The following ASB12 variants were observed in gnomAD, a reference collection of about 807,000 sequenced individuals.
ASB12 encodes the protein ankyrin repeat and SOCS box containing 12, also known as ankyrin repeat and SOCS box protein 12.
Under a neutral mutation model 13.7 loss-of-function variants are expected in ASB12, and 17 were observed. That is an observed-to-expected ratio of 1.24 (90% CI 0.85 to 1.86). ASB12 has a LOEUF of 1.86. Among genes scored for constraint, ASB12 ranks in the 40% most tolerant of loss-of-function variants. ASB12 has a pLI of 0.00. For synonymous variants in ASB12, 107 were observed against 99.8 expected, an observed-to-expected ratio of 1.07 and a Z score of -0.43; for missense variants, 329 against 250.5, an observed-to-expected ratio of 1.31 and a Z score of -2.11.
At position 64,224,468 on chromosome X, in the gene ASB12, G is replaced by T. The variant is rs1930888779; in HGVS notation, c.824C>A (p.Ala275Asp). The change falls in exon 3 of 3, where the codon GCC (alanine) becomes GAC (aspartate). Residue 275 changes from alanine (A) to aspartate (D), a missense_variant and splice_region_variant. Physicochemically the swap from Ala to Asp is moderately radical, Grantham distance 126 (BLOSUM62 -2). Transcript: ENST00000362002. ...CTGTGATAGAAGTGACCGTGGAGTG[G>T]CTACAGCAAGAAGAAACAGGTCATG... Reference protein sequence around the residue: ...KGIALLLQARATPRSLLSQVR... With the variant: ...KGIALLLQARDTPRSLLSQVR... 1 of 1,205,785 alleles carries T rather than the reference G, an allele frequency of 8.3e-7. No homozygotes were observed. Among genetic ancestry groups the T allele is most frequent in the Non-Finnish European group, 1.1e-6 (1 of 892,654 alleles).
intron 1 of ASB12, among the ~76,000 whole-genome samples, chrX:64,227,006 T>C (rs1043952724): frequency 2.7e-5 from 3 of 110,978 alleles, no homozygotes; most frequent in Non-Finnish European, 5.7e-5. Context: ...TATTTATTCA[T>C]TCTTGGGGTG....
At chrX:64,228,998 T>C (rs766324765) in intron 1 of ASB12, among the ~76,000 whole-genome samples, 1 of 111,028 alleles carries the variant, frequency 9.0e-6, no homozygotes, top group Non-Finnish European at 1.9e-5. Context: ...GAGTCAGAAA[T>C]AGAATCCAGG....
Position 64,225,179 on chromosome X carries a change from G to A in ASB12, c.472C>T (p.Leu158Phe), listed in dbSNP as rs1382397904. 8.3e-7 allele frequency: 1 copy of A among 1,209,744 alleles called. No individual in the cohort carries two copies. The highest frequency in any genetic ancestry group is 1.8e-5 in the South Asian group (1 of 56,684). The stretch of plus-strand genomic sequence containing the variant: ...TTGGCCTCTGCACCATGGTCTAGGA[G>A]CTCCTGCAGGATAGCAACAGCACCA... ...RDGAVAILQELLDHGAEANVK... is the reference protein window; with the variant it reads ...RDGAVAILQEFLDHGAEANVK... Residue 158 changes from leucine to phenylalanine, a missense_variant, in exon 2 of 3, where the codon CTC becomes TTC. Leu to Phe is a conservative substitution (Grantham distance 22). Transcript: ENST00000362002.
chrX:64,226,745 G>C (rs1283261470), intron 1 of ASB12: 1 of 752,221 alleles, frequency 1.3e-6, no homozygotes, highest in East Asian at 1.5e-4. Flanking sequence ...GCCCACCTCA[G>C]TTTGTAATGT....
At chrX:64,228,260 C>T (rs1183590894) in intron 1 of ASB12, among the ~76,000 whole-genome samples, 1 of 112,319 alleles carries the variant, frequency 8.9e-6, no homozygotes, top group Non-Finnish European at 1.9e-5. Flanking sequence ...AGTGATGGCT[C>T]TCCATATACA....
At chrX:64,226,284 C>T (rs1011463590) in intron 1 of ASB12, among the ~76,000 whole-genome samples, 8 of 112,488 alleles carry the variant, frequency 7.1e-5, no homozygotes, top group Non-Finnish European at 1.3e-4. Flanking sequence ...CTCTTCACAG[C>T]CCCTCATATA....
chrX:64,224,617 T>C, intron 2 of ASB12, 149 bp from the exon 3 acceptor site: 3 of 827,603 alleles, frequency 3.6e-6, no homozygotes, highest in Non-Finnish European at 5.0e-6. Context: ...GAACCAGAAA[T>C]TGGGCTAATG....
At chrX:64,224,799 C>T in intron 2 of ASB12, 29 bp downstream of exon 2, 1 of 1,156,269 alleles carries the variant, frequency 8.6e-7, no homozygotes, top group East Asian at 3.0e-5. Context: ...AGCCAGGTGG[C>T]CTATGAGGCT....
At position 64,224,908 on chromosome X, in the gene ASB12, G is replaced by T; in HGVS notation, c.743C>A (p.Ala248Asp). The T allele has an allele frequency of 8.3e-7, 1 of 1,210,181 alleles. No homozygotes were observed. The highest frequency in any genetic ancestry group is 1.1e-6 in the Non-Finnish European group (1 of 894,643). The change falls in exon 2 of 3, where the codon GCT becomes GAT. Residue 248 changes from alanine (A) to aspartate (D), a missense_variant. Transcript: ENST00000362002. The part of the protein sequence containing the change: ...EYIQLLIDFG[A>D]NIYLPSLSLD... ...GGAGAGAGATGGAAGGTAGATATTA[G>T]CACCAAAATCGATTAACAGCTGGAT...
At chrX:64,227,842 T>C (rs140344771) in intron 1 of ASB12, among the ~76,000 whole-genome samples, 377 of 111,566 alleles carry the variant, frequency 3.4e-3, no homozygotes, top group Non-Finnish European at 5.2e-3. Flanking sequence ...CTGTCAATGC[T>C]CTTGCCTCTT....
Position 64,224,334 on chromosome X carries a change from A to G in ASB12, c.*1T>C. The stretch of plus-strand genomic sequence containing the variant: ...CATAAGTTCCTGGGGAGACTGCAAG[A>G]TTACAGTTGGTGTTTTAGGTAGCTA... On this transcript the variant is annotated 3_prime_UTR_variant, in exon 3 of 3. Coordinates refer to ENST00000362002, the MANE Select transcript of ASB12 (RefSeq NM_130388.4). The G allele has an allele frequency of 8.3e-7, 1 of 1,210,649 alleles. No homozygotes were observed.
chrX:64,224,778 T>C (rs368084201), intron 2 of ASB12, 50 bp downstream of exon 2: 6 of 1,140,611 alleles, frequency 5.3e-6, no homozygotes, highest in Non-Finnish European at 7.0e-6. Flanking sequence ...TTTAGAGCCC[T>C]GGGACCTCCA....
intron 1 of ASB12, chrX:64,226,800 C>A: frequency 1.4e-6 from 1 of 717,400 alleles, no homozygotes; most frequent in Non-Finnish European, 1.7e-6. Flanking sequence ...AGTTCCCCTA[C>A]TCTCCCATAC....
At position 64,224,280 on chromosome X, in the gene ASB12, G is replaced by T. The variant is rs1398703266; in HGVS notation, c.*55C>A. On this transcript the variant is annotated 3_prime_UTR_variant, in exon 3 of 3. Coordinates refer to ENST00000362002, the MANE Select transcript of ASB12 (RefSeq NM_130388.4). ...TGAGGCTGTAATGCTCTCCAGCTAC[G>T]TGAGTCCCCAGGTGGTTTTCGGAGG... 2.6e-6 allele frequency: 3 copies of T among 1,172,425 alleles called. No homozygotes were observed. The highest frequency in any genetic ancestry group is 3.6e-5 in the South Asian group (2 of 54,874).
rs533931885 is a variant in ASB12 at position 64,225,467 on chromosome X, G to A, written c.184C>T (p.Arg62Cys). ...CAGCCACTCCTGCTGTTGATGAAAC[G>A]TTTGTAACGCTCCTGGCGCAAAAGC... ...DQLLRQERYK[R>C]FINSRSGWGV... Residue 62 changes from arginine (R) to cysteine (C), a missense_variant, in exon 2 of 3, where the codon CGT becomes TGT. Transcript: ENST00000362002. 1.3e-4 allele frequency: 159 copies of A among 1,209,566 alleles called. No homozygotes were observed. Among genetic ancestry groups the A allele is most frequent in the South Asian group, 3.5e-4 (20 of 56,519 alleles).
intron 1 of ASB12, among the ~76,000 whole-genome samples, chrX:64,228,409 C>A (rs1193304309): frequency 8.9e-6 from 1 of 112,140 alleles, no homozygotes. Context: ...GATAAAGAGG[C>A]CTTATGTGGT....
At position 64,225,616 on chromosome X, in the gene ASB12, A is replaced by T; in HGVS notation, c.35T>A (p.Leu12His). 4 of 1,198,115 alleles carry T rather than the reference A, an allele frequency of 3.3e-6. No homozygotes were observed. Among genetic ancestry groups the T allele is most frequent in the Non-Finnish European group, 4.5e-6 (4 of 887,604 alleles). Residue 12 changes from leucine to histidine, a missense_variant, in exon 2 of 3, where the codon CTC becomes CAC. Physicochemically the swap from Leu to His is moderately conservative, Grantham distance 99. Transcript: ENST00000362002. ...RIVLQLAKMN[L>H]MDITKIFSLL... is the part of the protein sequence containing the mutation. ...GGAGAAGATCTTGGTGATGTCCATG[A>T]GGTTCATCTTGGCTAATTGGAGAAC...
At chrX:64,227,635 C>T (rs780727944) in intron 1 of ASB12, among the ~76,000 whole-genome samples, 3 of 111,510 alleles carry the variant, frequency 2.7e-5, no homozygotes, top group Non-Finnish European at 5.6e-5. Context: ...TCGCTCTCAC[C>T]TTTATTCTGA....
chrX:64,228,181 C>T (rs897834368), intron 1 of ASB12, among the ~76,000 whole-genome samples: 2 of 112,116 alleles, frequency 1.8e-5, no homozygotes, highest in African/African-American at 6.5e-5. Context: ...AAATCTTGGC[C>T]AATCTCTCCA....
Sources: gnomAD v4.1 joint callset for allele counts (sites outside exome capture counted in the v4.1 genomes callset) on GRCh38, gnomAD v4.1.1 for gene constraint, MANE v1.5 for transcripts, NCBI Gene and HGNC (gene_info 2026-07-23, HGNC 2026-07-21) for gene names.